ARHGAP28: variants seen among roughly 807,000 people sequenced by gnomAD.
The protein encoded by ARHGAP28 is Rho GTPase activating protein 28.
A neutral mutation model predicts 90.7 loss-of-function variants in ARHGAP28; 56 were observed. The observed-to-expected ratio is 0.62, with a 90% CI of 0.50 to 0.77. ARHGAP28 has a LOEUF of 0.77. Ranked by LOEUF, ARHGAP28 falls within the 30% of genes least tolerant of loss-of-function variation. ARHGAP28 has a pLI of 0.00. For synonymous variants in ARHGAP28, 308 were observed against 323.3 expected (o/e 0.95, Z 0.51); for missense variants, 869 against 900.9 (o/e 0.96, Z 0.45).
chr18:6,734,484 G>A (rs1467318951), intron 1 of ARHGAP28, among the ~76,000 whole-genome samples: 1 of 152,064 alleles, frequency 6.6e-6, no homozygotes, highest in Non-Finnish European at 1.5e-5. Context: ...GGTTATCCTA[G>A]GAATTCTAAT....
intron 1 of ARHGAP28, among the ~76,000 whole-genome samples, chr18:6,812,786 G>A (rs2056566218): frequency 6.6e-6 from 1 of 152,184 alleles, no homozygotes; most frequent in Non-Finnish European, 1.5e-5. Context: ...AGAACTTACA[G>A]CTCTTGTCTT....
intron 3 of ARHGAP28, among the ~76,000 whole-genome samples, chr18:6,839,294 T>TTG (rs2056779171): frequency 1.5e-5 from 2 of 135,784 alleles, no homozygotes; most frequent in Non-Finnish European, 3.2e-5. Context: ...CCAGCATAAT[T>TTG]TTTTTTTTTT....
intron 17 of ARHGAP28, among the ~76,000 whole-genome samples, chr18:6,911,672 G>A (rs1463044012): frequency 6.6e-6 from 1 of 152,040 alleles, no homozygotes; most frequent in Admixed American, 6.6e-5. Context: ...CTAACCTCAA[G>A]TGATCCACCT....
chr18:6,764,373 A>G (rs1325354245), intron 1 of ARHGAP28, among the ~76,000 whole-genome samples: 1 of 152,194 alleles, frequency 6.6e-6, no homozygotes, highest in Admixed American at 6.5e-5. Flanking sequence ...TAGTGTATGT[A>G]GGGTTTGGCA....
intron 3 of ARHGAP28, among the ~76,000 whole-genome samples, chr18:6,840,562 T>A (rs900434982): frequency 6.6e-6 from 1 of 152,174 alleles, no homozygotes; most frequent in African/African-American, 2.4e-5. Context: ...GCAAATGGAA[T>A]AAACTGGTGT....
chr18:6,915,555 A>G lies in ARHGAP28; in HGVS notation c.*3401A>G, dbSNP rs2057418194. 1 of 152,094 alleles carries G rather than the reference A, an allele frequency of 6.6e-6. No homozygotes were observed. The highest frequency in any genetic ancestry group is 2.1e-4 in the South Asian group (1 of 4,826). 9.4% of individuals were successfully genotyped at this position (152,094 alleles called of 1,614,324 possible). A position where few individuals can be genotyped will look rare whatever the true frequency, so the allele number is the denominator to read the frequency against. On this transcript the variant is annotated 3_prime_UTR_variant, in exon 18 of 18. Coordinates refer to ENST00000383472, the MANE Select transcript of ARHGAP28 (RefSeq NM_001366230.1). ...TCAGACATTTACCAACTATTTTCTA[A>G]AACTAATTTGACAAATCATGACACT...
At chr18:6,766,559 A>G (rs1188872521) in intron 1 of ARHGAP28, among the ~76,000 whole-genome samples, 1 of 152,064 alleles carries the variant, frequency 6.6e-6, no homozygotes, top group African/African-American at 2.4e-5. Flanking sequence ...AACGGGGCTG[A>G]TACAGCGCCA....
chr18:6,824,716 T>C lies in ARHGAP28; in HGVS notation c.123-46T>C, dbSNP rs184413144. On this transcript the variant is annotated intron_variant, in intron 1 of 17. Coordinates refer to ENST00000383472, the MANE Select transcript of ARHGAP28 (RefSeq NM_001366230.1). ...AATTTAATTTTGTGGCTTTATAACATAAAAATATAACCCGTTTTTATTCAT... is the reference window on the plus strand; with the variant it reads ...AATTTAATTTTGTGGCTTTATAACACAAAAATATAACCCGTTTTTATTCAT... The C allele has an allele frequency of 1.4e-5, 21 of 1,461,668 alleles. No individual in the cohort carries two copies. The East Asian group carries it at 3.0e-4, about 21-fold the overall frequency. The allele number at this position is 1,461,668 out of a possible 1,614,324, so 90.5% of individuals were successfully genotyped here. A position where few individuals can be genotyped will look rare whatever the true frequency, so the allele number is the denominator to read the frequency against.
intron 1 of ARHGAP28, among the ~76,000 whole-genome samples, chr18:6,813,409 C>T (rs549140982): frequency 1.4e-3 from 216 of 152,260 alleles, no homozygotes; most frequent in African/African-American, 4.8e-3. Context: ...CTACACCTGC[C>T]AATTTTATTG....
At chr18:6,848,062 C>T (rs1161805822) in intron 3 of ARHGAP28, among the ~76,000 whole-genome samples, 1 of 152,044 alleles carries the variant, frequency 6.6e-6, no homozygotes, top group African/African-American at 2.4e-5. Context: ...TAGTATGCCA[C>T]AAAATTCCAG....
At chr18:6,898,814 C>A in intron 16 of ARHGAP28, 4 of 1,079,382 alleles carry the variant, frequency 3.7e-6, no homozygotes, top group Non-Finnish European at 4.6e-6. Context: ...TGTTCTCACT[C>A]GTAAGTGGGA....
chr18:6,746,226 A>C (rs1177325338), intron 1 of ARHGAP28, among the ~76,000 whole-genome samples: 3 of 152,168 alleles, frequency 2.0e-5, no homozygotes, highest in African/African-American at 7.2e-5. Flanking sequence ...CAGAGAACGG[A>C]ATGTTCTTTA....
Position 6,837,361 on chromosome 18 carries a change from G to T in ARHGAP28, c.490G>T (p.Asp164Tyr). ...CTATACCCAAACCATGAGGAAAAAG[G>T]ATAAGCAATCTATCAGGGATGTCAG... ...HTYTQTMRKK[D>Y]KQSIRDVRDI... is the part of the protein sequence containing the mutation. The change falls in exon 3 of 18, where the codon GAT (aspartate) becomes TAT (tyrosine). Residue 164 changes from aspartate (D) to tyrosine (Y), a missense_variant. Coordinates refer to ENST00000383472, the MANE Select transcript of ARHGAP28 (RefSeq NM_001366230.1). 6.2e-7 allele frequency: 1 copy of T among 1,608,474 alleles called. No homozygotes were observed. The highest frequency in any genetic ancestry group is 8.5e-7 in the Non-Finnish European group (1 of 1,176,726).
chr18:6,763,628 C>T (rs980052833), intron 1 of ARHGAP28, among the ~76,000 whole-genome samples: 2 of 152,190 alleles, frequency 1.3e-5, no homozygotes, highest in South Asian at 4.1e-4. Context: ...TCCGGGAGCA[C>T]AAAGCCTACG....
At chr18:6,731,633 G>A (rs979013869) in intron 1 of ARHGAP28, among the ~76,000 whole-genome samples, 2 of 152,134 alleles carry the variant, frequency 1.3e-5, no homozygotes, top group African/African-American at 4.8e-5. Context: ...GGGAGCCTTG[G>A]TACCATTGTT....
At chr18:6,886,775 T>C (rs1467063362) in intron 11 of ARHGAP28, among the ~76,000 whole-genome samples, 1 of 152,252 alleles carries the variant, frequency 6.6e-6, no homozygotes, top group Non-Finnish European at 1.5e-5. Context: ...GTGTTCCTAA[T>C]ACTTATACTT....
Position 6,818,339 on chromosome 18 carries a change from A to G in ARHGAP28, c.123-6423A>G, listed in dbSNP as rs78567040. The stretch of plus-strand genomic sequence containing the variant: ...ATACCTGAGGGGGCTTTTGAAATTA[A>G]GAACAATTACAGGAGGGAGAGCATT... On this transcript the variant is annotated intron_variant, in intron 1 of 17. Transcript: ENST00000383472. Among the ~76,000 whole-genome samples the G allele has an allele frequency of 9.6e-3, 1,466 of 152,322 alleles. 15 individuals are homozygous for G. Among genetic ancestry groups the G allele is most frequent in the African/African-American group, 0.033 (1,364 of 41,554 alleles).
At position 6,873,792 on chromosome 18, in the gene ARHGAP28, T is replaced by G. The variant is rs2057109153; in HGVS notation, c.1212+17T>G. ...TTACAAAAAGTGAGTAGCAGGCAAATGAAAGGGGAATTCACAGAGCCTCAT... is the reference window on the plus strand; with the variant it reads ...TTACAAAAAGTGAGTAGCAGGCAAAGGAAAGGGGAATTCACAGAGCCTCAT... On this transcript the variant is annotated intron_variant, in intron 9 of 17. Transcript: ENST00000383472. 1 of 1,600,916 alleles carries G rather than the reference T, an allele frequency of 6.2e-7. No individual in the cohort carries two copies. Among genetic ancestry groups the G allele is most frequent in the East Asian group, 2.2e-5 (1 of 44,738 alleles).
chr18:6,821,712 G>C (rs761664166), intron 1 of ARHGAP28, among the ~76,000 whole-genome samples: 30 of 151,836 alleles, frequency 2.0e-4, no homozygotes, highest in Non-Finnish European at 3.7e-4. Context: ...TGGGTGGACT[G>C]TTTCAGAAGG....
Sources: gnomAD v4.1 joint callset for allele counts (sites outside exome capture counted in the v4.1 genomes callset) on GRCh38, gnomAD v4.1.1 for gene constraint, MANE v1.5 for transcripts, NCBI Gene and HGNC (gene_info 2026-07-23, HGNC 2026-07-21) for gene names.